Variants in CACNB2 observed in about 807,000 individuals in gnomAD.
The protein encoded by CACNB2 is calcium voltage-gated channel auxiliary subunit beta 2, also known as voltage-dependent L-type calcium channel subunit beta-2.
In CACNB2, 42 loss-of-function variants were observed where a neutral mutation model predicts 73.3. The observed-to-expected ratio is 0.57, with a 90% CI of 0.45 to 0.74. CACNB2 has a LOEUF of 0.74. Among genes scored for constraint, CACNB2 ranks in the 30% least tolerant of loss-of-function variants. The pLI, the probability that CACNB2 is intolerant of heterozygous loss-of-function variation, is 0.00. For synonymous variants in CACNB2, 348 were observed against 310.3 expected, an observed-to-expected ratio of 1.12 and a Z score of -1.28; for missense variants, 940 against 853.0, an observed-to-expected ratio of 1.10 and a Z score of -1.27.
chr10:18,457,930 A>C (rs907416833), intron 3 of CACNB2, among the ~76,000 whole-genome samples: 2 of 152,150 alleles, frequency 1.3e-5, no homozygotes, highest in African/African-American at 4.8e-5. Flanking sequence ...TTGGAGAAGT[A>C]CTAAATATAA....
chr10:18,283,661 G>C (rs2038656350), intron 2 of CACNB2, among the ~76,000 whole-genome samples: 1 of 141,104 alleles, frequency 7.1e-6, no homozygotes, highest in Non-Finnish European at 1.5e-5. Context: ...ACACACTGGG[G>C]CCTGTCATGA....
At chr10:18,310,747 T>A (rs2039934454) in intron 2 of CACNB2, among the ~76,000 whole-genome samples, 1 of 150,880 alleles carries the variant, frequency 6.6e-6, no homozygotes, top group Admixed American at 6.6e-5. Context: ...GCCTGGCTAA[T>A]TTTTTTTGTA....
At chr10:18,515,882 A>G (rs1335733128) in intron 7 of CACNB2, among the ~76,000 whole-genome samples, 1 of 152,212 alleles carries the variant, frequency 6.6e-6, no homozygotes, top group Non-Finnish European at 1.5e-5. Flanking sequence ...TTTAAATTCT[A>G]AAACTTTAAA....
chr10:18,240,765 A>G (rs971251274), intron 2 of CACNB2, among the ~76,000 whole-genome samples: 1 of 152,028 alleles, frequency 6.6e-6, no homozygotes, highest in African/African-American at 2.4e-5. Flanking sequence ...ATCATTAAGA[A>G]TCCTGAGCAG....
chr10:18,531,072 G>A (rs2052975707), intron 10 of CACNB2, among the ~76,000 whole-genome samples: 1 of 152,228 alleles, frequency 6.6e-6, no homozygotes, highest in South Asian at 2.1e-4. Context: ...AAATGGCATT[G>A]GAATTACACA....
At chr10:18,199,185 A>G (rs1020529313) in intron 2 of CACNB2, among the ~76,000 whole-genome samples, 1 of 152,208 alleles carries the variant, frequency 6.6e-6, no homozygotes, top group Non-Finnish European at 1.5e-5. Context: ...GTAAATAATT[A>G]GTACAAACAT....
intron 2 of CACNB2, among the ~76,000 whole-genome samples, chr10:18,374,671 C>T (rs540686429): frequency 6.6e-6 from 1 of 152,200 alleles, no homozygotes; most frequent in East Asian, 1.9e-4. Context: ...TTGTATTCTC[C>T]ACAGTAGTTC....
At chr10:18,431,381 T>G (rs1298292552) in intron 3 of CACNB2, among the ~76,000 whole-genome samples, 1 of 152,166 alleles carries the variant, frequency 6.6e-6, no homozygotes, top group Non-Finnish European at 1.5e-5. Flanking sequence ...GAATCTGCTT[T>G]TCTACTGATG....
intron 3 of CACNB2, among the ~76,000 whole-genome samples, chr10:18,428,590 G>A (rs1051113751): frequency 3.3e-5 from 5 of 151,704 alleles, no homozygotes; most frequent in Admixed American, 1.3e-4. Context: ...GGAGGCTGAG[G>A]TATGAGAATC....
At chr10:18,366,633 C>T (rs1470328239) in intron 2 of CACNB2, among the ~76,000 whole-genome samples, 2 of 152,022 alleles carry the variant, frequency 1.3e-5, no homozygotes, top group East Asian at 3.9e-4. Flanking sequence ...CACTTAAGGT[C>T]AGGAGTTCAA....
chr10:18,502,582 T>G (rs2050255581), intron 5 of CACNB2, among the ~76,000 whole-genome samples: 1 of 149,238 alleles, frequency 6.7e-6, no homozygotes, highest in Non-Finnish European at 1.5e-5. Flanking sequence ...TCCCAGCTAC[T>G]TGAGAAGCTG....
At chr10:18,454,033 C>T (rs368369889) in intron 3 of CACNB2, among the ~76,000 whole-genome samples, 32 of 152,268 alleles carry the variant, frequency 2.1e-4, no homozygotes, top group African/African-American at 6.7e-4. Flanking sequence ...ACAAGCCCAG[C>T]GCCTTTCCCA....
At chr10:18,527,442 T>A (rs1391780519) in intron 9 of CACNB2, 146 bp from the exon 10 acceptor site, 10 of 622,302 alleles carry the variant, frequency 1.6e-5, no homozygotes, top group Middle Eastern at 2.8e-4. Context: ...AGAAAAAAAA[T>A]GAATAAGTAA....
At chr10:18,143,532 T>C (rs751889709) in intron 1 of CACNB2, among the ~76,000 whole-genome samples, 1 of 152,274 alleles carries the variant, frequency 6.6e-6, no homozygotes, top group Non-Finnish European at 1.5e-5. Flanking sequence ...TTGCTTTCTC[T>C]GCCTTCCAAA....
At chr10:18,417,068 T>C (rs1017115914) in intron 3 of CACNB2, among the ~76,000 whole-genome samples, 2 of 150,922 alleles carry the variant, frequency 1.3e-5, no homozygotes, top group Non-Finnish European at 2.9e-5. Flanking sequence ...AATGCATTAA[T>C]GTTTCCTCTT....
At chr10:18,498,334 C>A in intron 3 of CACNB2, 21 bp from the exon 4 acceptor site, 1 of 1,613,898 alleles carries the variant, frequency 6.2e-7, no homozygotes, top group South Asian at 1.1e-5. Flanking sequence ...ATTTTTTTCC[C>A]TCTTCCTTTT....
chr10:18,365,128 A>G (rs1474232961), intron 2 of CACNB2, among the ~76,000 whole-genome samples: 1 of 152,208 alleles, frequency 6.6e-6, no homozygotes, highest in Admixed American at 6.5e-5. Context: ...CTGAGTTGAT[A>G]GTTAAGACCA....
intron 7 of CACNB2, among the ~76,000 whole-genome samples, chr10:18,516,226 G>C (rs1292966859): frequency 6.7e-6 from 1 of 148,776 alleles, no homozygotes; most frequent in East Asian, 2.0e-4. Context: ...TCAAAAAAAA[G>C]AAAAAAAAAA....
intron 9 of CACNB2, 55 bp from the exon 10 acceptor site, chr10:18,527,533 C>T: frequency 4.6e-6 from 5 of 1,086,348 alleles, no homozygotes; most frequent in Non-Finnish European, 7.2e-6. Flanking sequence ...ACACTTCTAT[C>T]CCCTTTGATT....
Sources: gnomAD v4.1 joint callset for allele counts (sites outside exome capture counted in the v4.1 genomes callset) on GRCh38, gnomAD v4.1.1 for gene constraint, MANE v1.5 for transcripts, NCBI Gene and HGNC (gene_info 2026-07-23, HGNC 2026-07-21) for gene names.